The following HTR2A variants were observed in gnomAD, a reference collection of about 807,000 sequenced individuals.
HTR2A encodes the protein 5-HT2 receptor.
In HTR2A, 14 loss-of-function variants were observed where a neutral mutation model predicts 31.0. The observed-to-expected ratio is 0.45, with a 90% CI of 0.30 to 0.71. The LOEUF is 0.71. Among genes scored for constraint, HTR2A ranks in the 30% least tolerant of loss-of-function variants. HTR2A has a pLI of 0.09. For missense variants in HTR2A, 442 were observed against 573.3 expected, an observed-to-expected ratio of 0.77 and a Z score of 2.34; for synonymous variants, 209 against 225.2, an observed-to-expected ratio of 0.93 and a Z score of 0.64.
intron 3 of HTR2A, among the ~76,000 whole-genome samples, chr13:46,886,204 A>G (rs1004748550): frequency 3.9e-5 from 6 of 152,184 alleles, no homozygotes; most frequent in African/African-American, 1.4e-4. Context: ...TAACTTAATG[A>G]GATTATTTAT....
intron 3 of HTR2A, among the ~76,000 whole-genome samples, chr13:46,862,976 C>T (rs17287961): frequency 0.094 from 14,289 of 152,188 alleles, 953 homozygotes; most frequent in Non-Finnish European, 0.15. Context: ...GAGCTCCACT[C>T]GCTGATATTC....
intron 3 of HTR2A, among the ~76,000 whole-genome samples, chr13:46,843,985 C>T (rs981203995): frequency 2.0e-5 from 3 of 152,100 alleles, no homozygotes; most frequent in Admixed American, 6.6e-5. Context: ...AAGGCACATC[C>T]GCTATATGAA....
chr13:46,895,419 C>T lies in HTR2A; in HGVS notation c.412+76G>A. ...TTATAGTTTGTTTGCCCCCTGAGCC[C>T]CATCTCATCTGCTGGTGGCATGCAC... On this transcript the variant is annotated intron_variant, in intron 2 of 3. Transcript: ENST00000542664. This position sits in a 1 kb window ranked among gnomAD's most constrained non-coding sequence, Gnocchi z 4.4. The T allele has an allele frequency of 7.3e-7, 1 of 1,362,462 alleles. No individual in the cohort carries two copies. Among genetic ancestry groups the T allele is most frequent in the Non-Finnish European group, 1.0e-6 (1 of 987,914 alleles). 84.4% of individuals were successfully genotyped at this position (1,362,462 alleles called of 1,614,324 possible).
At chr13:46,867,176 T>A (rs1433713858) in intron 3 of HTR2A, among the ~76,000 whole-genome samples, 1 of 152,178 alleles carries the variant, frequency 6.6e-6, no homozygotes, top group African/African-American at 2.4e-5. Flanking sequence ...GGCAAGTACC[T>A]ATCTGTGAAG....
rs117246107 is a variant in HTR2A at position 46,858,827 on chromosome 13, T to C, written c.614-23188A>G. Among the ~76,000 whole-genome samples the C allele has an allele frequency of 9.7e-4, 147 of 152,096 alleles. 4 individuals are homozygous for C. The East Asian group carries it at 0.028, about 29-fold the overall frequency. ...TTCTGGCTTGGCTGATGGTGGACCA[T>C]TTGGTGAGATGGGCACTACCCATCT... On this transcript the variant is annotated intron_variant, in intron 3 of 3. Transcript: ENST00000542664.
intron 3 of HTR2A, among the ~76,000 whole-genome samples, chr13:46,888,592 G>A (rs1025941917): frequency 6.6e-6 from 1 of 152,100 alleles, no homozygotes; most frequent in Non-Finnish European, 1.5e-5. Flanking sequence ...ATATTCTAGA[G>A]GAAATTCTTC....
chr13:46,834,786 G>C lies in HTR2A; in HGVS notation c.*51C>G. ...TCTCATATTTTTTTTTTTCCAGATA[G>C]GTGAAAACTTGCTCAGTGTGCCTTC... On this transcript the variant is annotated 3_prime_UTR_variant, in exon 4 of 4. Transcript: ENST00000542664. 1 of 1,433,150 alleles carries C rather than the reference G, an allele frequency of 7.0e-7. No individual in the cohort carries two copies. The highest frequency in any genetic ancestry group is 9.5e-7 in the Non-Finnish European group (1 of 1,055,762). 88.8% of individuals were successfully genotyped at this position (1,433,150 alleles called of 1,614,324 possible).
intron 3 of HTR2A, among the ~76,000 whole-genome samples, chr13:46,850,916 T>C (rs1451044800): frequency 6.6e-6 from 1 of 152,168 alleles, no homozygotes; most frequent in African/African-American, 2.4e-5. Context: ...CTTTCCATGG[T>C]TCCCAGCTAA....
upstream of HTR2A, among the ~76,000 whole-genome samples, chr13:46,897,918 A>G (rs1315987489): frequency 1.3e-5 from 2 of 151,948 alleles, no homozygotes; most frequent in African/African-American, 4.8e-5. Flanking sequence ...CTCACTCCGC[A>G]TCCCCCTGCC....
chr13:46,881,272 C>T lies in HTR2A; in HGVS notation c.613+11118G>A, dbSNP rs749474227. ...AGGGGTGGGCCAAGTGGTGGCCCTG[C>T]GGATCCTTTGTTTCAGGGTAGTGAC... On this transcript the variant is annotated intron_variant, in intron 3 of 3. Transcript: ENST00000542664. Among the ~76,000 whole-genome samples, 7 of 152,134 alleles carry T rather than the reference C, an allele frequency of 4.6e-5. No individual in the cohort carries two copies. In the South Asian group the frequency reaches 6.2e-4, roughly 14 times the overall value.
intron 3 of HTR2A, among the ~76,000 whole-genome samples, chr13:46,877,078 G>A (rs538652951): frequency 1.3e-5 from 2 of 152,146 alleles, no homozygotes. Context: ...CTAGACTGTG[G>A]AATGTGGGGA....
chr13:46,897,355 C>G (rs909201919), upstream of HTR2A, among the ~76,000 whole-genome samples: 3 of 152,144 alleles, frequency 2.0e-5, no homozygotes, highest in Non-Finnish European at 4.4e-5. Flanking sequence ...GCACTTCCAT[C>G]CAAAGCCAAC....
At chr13:46,878,579 A>C (rs1438115194) in intron 3 of HTR2A, among the ~76,000 whole-genome samples, 1 of 152,182 alleles carries the variant, frequency 6.6e-6, no homozygotes, top group Admixed American at 6.5e-5. Flanking sequence ...AGAATAAAAA[A>C]TGAGAAGGTA....
At chr13:46,873,152 CT>C (rs71077929) in intron 3 of HTR2A, among the ~76,000 whole-genome samples, 37,140 of 145,466 alleles carry the variant, frequency 0.26, 4,811 homozygotes, top group African/African-American at 0.27. Flanking sequence ...ATTTTACTTT[CT>C]TTTTTTTTTT....
chr13:46,846,013 G>A (rs561880608), intron 3 of HTR2A, among the ~76,000 whole-genome samples: 4 of 152,280 alleles, frequency 2.6e-5, no homozygotes, highest in African/African-American at 9.6e-5. Flanking sequence ...GTAACACTCT[G>A]TACAGATTTG....
intron 3 of HTR2A, among the ~76,000 whole-genome samples, chr13:46,851,702 A>T (rs1950686018): frequency 6.6e-6 from 1 of 152,200 alleles, no homozygotes; most frequent in South Asian, 2.1e-4. Context: ...AAACTTCCCG[A>T]TGATATATTC....
intron 3 of HTR2A, among the ~76,000 whole-genome samples, chr13:46,876,741 C>T (rs992689197): frequency 1.3e-5 from 2 of 151,994 alleles, no homozygotes. Context: ...AACAAAAGTT[C>T]GTGAGAATAT....
chr13:46,835,455 A>C lies in HTR2A; in HGVS notation c.798T>G (p.Thr266=). The change falls in exon 4 of 4, where the codon ACT becomes ACG. Residue 266 remains threonine (T), a synonymous_variant. Coordinates refer to ENST00000542664, the MANE Select transcript of HTR2A (RefSeq NM_000621.5). ...GTGTGCCAAGATCACTTACACACAA[A>C]GTAGCTTCTTTCTGGAGTGACTTGA... ...LTIKSLQKEA[T]LCVSDLGTRA... 1 of 1,614,112 alleles carries C rather than the reference A, an allele frequency of 6.2e-7. No homozygotes were observed. The highest frequency in any genetic ancestry group is 8.5e-7 in the Non-Finnish European group (1 of 1,180,000).
chr13:46,839,394 T>A (rs1392611531), intron 3 of HTR2A, among the ~76,000 whole-genome samples: 3 of 152,138 alleles, frequency 2.0e-5, no homozygotes, highest in Admixed American at 2.0e-4. Flanking sequence ...ATAGGCTTTG[T>A]GGGTACAATC....
Sources: gnomAD v4.1 joint callset for allele counts (sites outside exome capture counted in the v4.1 genomes callset) on GRCh38, gnomAD v4.1.1 for gene constraint, Gnocchi (gnomAD v3.1) non-coding constraint, MANE v1.5 for transcripts, NCBI Gene and HGNC (gene_info 2026-07-23, HGNC 2026-07-21) for gene names.